The following TSHR variants were observed in gnomAD, a reference collection of about 807,000 sequenced individuals.
TSHR encodes the protein thyroid stimulating hormone receptor.
Under a neutral mutation model 64.1 loss-of-function variants are expected in TSHR, and 51 were observed. That is an observed-to-expected ratio of 0.80 (90% CI 0.64 to 1.01). The LOEUF (loss-of-function observed/expected upper bound fraction) is 1.01. Ranked by LOEUF, TSHR falls within the 50% of genes least tolerant of loss-of-function variation. The probability of loss-of-function intolerance (pLI) is 0.00; values close to 1 mark genes in which losing one functional copy is unlikely to be tolerated. For synonymous variants in TSHR, 361 were observed against 361.9 expected, an observed-to-expected ratio of 1.00 and a Z score of 0.03; for missense variants, 877 against 942.8, an observed-to-expected ratio of 0.93 and a Z score of 0.91.
intron 3 of TSHR, among the ~76,000 whole-genome samples, chr14:81,079,965 G>A (rs200043552): frequency 8.9e-6 from 1 of 111,930 alleles, no homozygotes; most frequent in East Asian, 2.9e-4. Context: ...TTGTTTGTTT[G>A]TTTTTGAGAC....
chr14:80,956,353 A>G (rs1374460447), intron 1 of TSHR, among the ~76,000 whole-genome samples: 1 of 152,186 alleles, frequency 6.6e-6, no homozygotes, highest in Non-Finnish European at 1.5e-5. Flanking sequence ...TTTAAAATGA[A>G]CTGTCTATAC....
At chr14:81,077,349 G>C (rs1017225262) in intron 3 of TSHR, among the ~76,000 whole-genome samples, 5 of 152,166 alleles carry the variant, frequency 3.3e-5, no homozygotes, top group Non-Finnish European at 7.3e-5. Flanking sequence ...TGGAAGAGTA[G>C]GCTAGTCTGA....
At chr14:81,000,553 T>G (rs68104217) in intron 1 of TSHR, among the ~76,000 whole-genome samples, 20,604 of 152,098 alleles carry the variant, frequency 0.14, 1,734 homozygotes, top group East Asian at 0.38. Flanking sequence ...GCTTCTGGAA[T>G]AAAGCCTGCC....
intron 1 of TSHR, chr14:81,051,217 T>C (rs1461201299): frequency 6.6e-6 from 1 of 152,264 alleles, no homozygotes; most frequent in Non-Finnish European, 1.5e-5. Context: ...CCTTATCGAA[T>C]AAAGTTTCAT....
chr14:80,964,986 A>G (rs1247616020), intron 1 of TSHR, among the ~76,000 whole-genome samples: 1 of 152,234 alleles, frequency 6.6e-6, no homozygotes, highest in African/African-American at 2.4e-5. Flanking sequence ...GTAGAAATGA[A>G]AAAGTAAGAC....
At chr14:80,976,426 T>A (rs1466108166) in intron 1 of TSHR, among the ~76,000 whole-genome samples, 1 of 152,190 alleles carries the variant, frequency 6.6e-6, no homozygotes, top group African/African-American at 2.4e-5. Flanking sequence ...TCTCTTCCAC[T>A]GTTCATTTTA....
rs1888601887 is a variant in TSHR at position 80,988,952 on chromosome 14, A to G, written c.170+33102A>G. Among the ~76,000 whole-genome samples the G allele has an allele frequency of 2.0e-5, 3 of 152,206 alleles. No homozygotes were observed. In the South Asian group the frequency reaches 6.2e-4, roughly 32 times the overall value. ...TATGAGTCACTCACAGAATATACTC[A>G]TATCACTTGCGCCAACATCTCAAGC... On this transcript the variant is annotated intron_variant, in intron 1 of 9. Coordinates refer to ENST00000298171, the MANE Select transcript of TSHR (RefSeq NM_000369.5).
At chr14:81,128,465 G>C (rs1382444613) in intron 8 of TSHR, among the ~76,000 whole-genome samples, 1 of 152,182 alleles carries the variant, frequency 6.6e-6, no homozygotes, top group Non-Finnish European at 1.5e-5. Flanking sequence ...TGCACCTGTT[G>C]TAATTCTGCA....
At chr14:81,059,529 T>G (rs1203810416) in intron 1 of TSHR, among the ~76,000 whole-genome samples, 1 of 152,212 alleles carries the variant, frequency 6.6e-6, no homozygotes, top group Non-Finnish European at 1.5e-5. Flanking sequence ...GTCATTCTAA[T>G]AATTCATTTA....
At position 81,139,885 on chromosome 14, in the gene TSHR, G is replaced by A. The variant is rs372705315; in HGVS notation, c.881+18G>A. ...ATCAGAGGGTAAGTGGCAGGGACCC[G>A]GCATAAGTGACAAAAGACCTTGGTG... On this transcript the variant is annotated intron_variant, in intron 9 of 9. Coordinates refer to ENST00000298171, the MANE Select transcript of TSHR (RefSeq NM_000369.5). 2.4e-5 allele frequency: 38 copies of A among 1,613,684 alleles called. No individual in the cohort carries two copies. Among genetic ancestry groups the A allele is most frequent in the African/African-American group, 1.2e-4 (9 of 74,908 alleles).
Position 81,004,567 on chromosome 14 carries a change from G to A in TSHR, c.170+48717G>A, listed in dbSNP as rs1889495800. ...CCTTTCATCAGGCAAATGCCCATCT[G>A]TAGCAATGTATACAAAAATCTATTT... On this transcript the variant is annotated intron_variant, in intron 1 of 9. Transcript: ENST00000298171. Among the ~76,000 whole-genome samples the A allele has an allele frequency of 2.0e-5, 3 of 152,262 alleles. No individual in the cohort carries two copies. In the South Asian group the frequency reaches 6.2e-4, roughly 32 times the overall value.
At chr14:81,076,509 A>G (rs1887513465) in intron 3 of TSHR, among the ~76,000 whole-genome samples, 1 of 152,138 alleles carries the variant, frequency 6.6e-6, no homozygotes, top group South Asian at 2.1e-4. Context: ...TATATCCAAA[A>G]CTGACATCTT....
intron 8 of TSHR, among the ~76,000 whole-genome samples, chr14:81,126,561 T>C (rs1344269801): frequency 6.6e-6 from 1 of 152,258 alleles, no homozygotes; most frequent in Non-Finnish European, 1.5e-5. Context: ...CTTATTTAAG[T>C]AAGGGCTTTT....
At chr14:80,996,532 C>CA (rs1164627422) in intron 1 of TSHR, among the ~76,000 whole-genome samples, 1 of 152,152 alleles carries the variant, frequency 6.6e-6, no homozygotes, top group Non-Finnish European at 1.5e-5. Context: ...GGTTTCATCT[C>CA]AGTGTACAGG....
intron 1 of TSHR, among the ~76,000 whole-genome samples, chr14:80,976,539 T>C (rs890914173): frequency 1.3e-5 from 2 of 152,190 alleles, no homozygotes; most frequent in African/African-American, 4.8e-5. Context: ...ACCATACTTT[T>C]CTTAGGCTGG....
chr14:81,078,355 C>T (rs1229855019), intron 3 of TSHR, among the ~76,000 whole-genome samples: 1 of 152,000 alleles, frequency 6.6e-6, no homozygotes, highest in Non-Finnish European at 1.5e-5. Flanking sequence ...TGTCTTCTGG[C>T]CTTCTTTTTT....
At chr14:81,001,452 G>T (rs1251096834) in intron 1 of TSHR, 1 of 492,210 alleles carries the variant, frequency 2.0e-6, no homozygotes, top group Admixed American at 2.0e-5. Context: ...ATTTACCTGG[G>T]TATGCTCAAT....
intron 2 of TSHR, among the ~76,000 whole-genome samples, 170 bp from the exon 3 acceptor site, chr14:81,068,084 T>G (rs1886786140): frequency 6.6e-6 from 1 of 150,700 alleles, no homozygotes; most frequent in Non-Finnish European, 1.5e-5. Context: ...TCACAAGATC[T>G]GAAAAAAAAA....
chr14:81,115,651 C>G (rs191606577), intron 8 of TSHR, among the ~76,000 whole-genome samples: 1 of 151,882 alleles, frequency 6.6e-6, no homozygotes, highest in Admixed American at 6.6e-5. Context: ...CAAGGCAGGC[C>G]AACGTTCAGA....
Sources: gnomAD v4.1 joint callset for allele counts (sites outside exome capture counted in the v4.1 genomes callset) on GRCh38, gnomAD v4.1.1 for gene constraint, MANE v1.5 for transcripts, NCBI Gene and HGNC (gene_info 2026-07-23, HGNC 2026-07-21) for gene names.